The following SLC35E3 variants were observed in gnomAD, a reference collection of about 807,000 sequenced individuals.
SLC35E3 encodes solute carrier family 35 member E3.
Under a neutral mutation model 30.8 loss-of-function variants are expected in SLC35E3, and 28 were observed. The observed-to-expected ratio is 0.91, with a 90% CI of 0.67 to 1.25. The LOEUF (loss-of-function observed/expected upper bound fraction) is 1.25, where lower values mean the gene tolerates loss of function less well. Among genes scored for constraint, SLC35E3 ranks in the 50% most tolerant of loss-of-function variants. SLC35E3 has a pLI of 0.00. For synonymous variants in SLC35E3, 146 were observed against 149.2 expected, an observed-to-expected ratio of 0.98 and a Z score of 0.16; for missense variants, 365 against 375.4, an observed-to-expected ratio of 0.97 and a Z score of 0.23.
chr12:68,749,478 C>T (rs1459636969), intron 2 of SLC35E3, among the ~76,000 whole-genome samples: 1 of 152,170 alleles, frequency 6.6e-6, no homozygotes, highest in African/African-American at 2.4e-5. Context: ...ATTCGTTCAG[C>T]AGACATCTTT....
At chr12:68,754,273 G>T (rs1047588379) in intron 3 of SLC35E3, among the ~76,000 whole-genome samples, 4 of 151,670 alleles carry the variant, frequency 2.6e-5, no homozygotes, top group Non-Finnish European at 4.4e-5. Context: ...TGTTGTTGTT[G>T]TTGTTTTTGT....
rs1430430504 is a variant in SLC35E3, at chr12:68,780,048, T to G, written c.*15158T>G. On this transcript the variant is annotated 3_prime_UTR_variant, in exon 5 of 5. Coordinates refer to ENST00000398004, the MANE Select transcript of SLC35E3 (RefSeq NM_018656.5). ...TTTAAGCCACTTCTCTGGCCCCAGT[T>G]TCTAACATTATTTCTAAAATGCAGG... is the stretch of plus-strand genomic sequence containing the variant. 1 of 152,220 alleles carries G rather than the reference T, an allele frequency of 6.6e-6. No homozygotes were observed. Among genetic ancestry groups the G allele is most frequent in the Non-Finnish European group, 1.5e-5 (1 of 68,048 alleles). The allele number at this position is 152,220 out of a possible 1,614,324, so 9.4% of individuals were successfully genotyped here.
chr12:68,751,971 A>G (rs924926832), intron 2 of SLC35E3, 61 bp from the exon 3 acceptor site: 2 of 1,475,016 alleles, frequency 1.4e-6, no homozygotes, highest in Non-Finnish European at 1.8e-6. Context: ...TAGTTGTCGC[A>G]TCTTTGATTA....
chr12:68,746,403 G>A lies in SLC35E3; in HGVS notation c.26G>A (p.Arg9Gln). 6.2e-7 allele frequency: 1 copy of A among 1,604,396 alleles called. No individual in the cohort carries two copies. Among genetic ancestry groups the A allele is most frequent in the Non-Finnish European group, 8.5e-7 (1 of 1,174,524 alleles). MALLVDRV[R>Q]GHWRIAAGLL... is the part of the protein sequence containing the mutation. ...ATGGCATTGCTGGTGGACCGAGTGC[G>A]GGGCCACTGGCGAATCGCCGCCGGG... The change falls in exon 1 of 5, where the codon CGG becomes CAG. Residue 9 changes from arginine (R) to glutamine (Q), a missense_variant. Physicochemically the swap from Arg to Gln is conservative, Grantham distance 43. Transcript: ENST00000398004.
At chr12:68,759,932 TTA>T in intron 4 of SLC35E3, 1 of 152,388 alleles carries the variant, frequency 6.6e-6, no homozygotes. Context: ...AGAGGAATGG[TTA>T]ACAAATAACA....
chr12:68,761,610 G>T (rs1879234978), intron 4 of SLC35E3, among the ~76,000 whole-genome samples: 3 of 152,098 alleles, frequency 2.0e-5, no homozygotes, highest in Admixed American at 6.6e-5. Context: ...AACCAAAAAT[G>T]CCTCCAAAGA....
rs1879874162 is a variant in SLC35E3 at position 68,781,112 on chromosome 12, G to C, written c.*16222G>C. ...GAAAAATTCAGGATGAGTTTATTGA[G>C]AGCATTATTTTTGAAAGTATAAGAT... On this transcript the variant is annotated 3_prime_UTR_variant, in exon 5 of 5. Coordinates refer to ENST00000398004, the MANE Select transcript of SLC35E3 (RefSeq NM_018656.5). 7.8e-6 allele frequency: 1 copy of C among 128,012 alleles called. No individual in the cohort carries two copies. Among genetic ancestry groups the C allele is most frequent in the Non-Finnish European group, 1.5e-5 (1 of 67,794 alleles). The allele number at this position is 128,012 out of a possible 1,614,324, so 7.9% of individuals were successfully genotyped here.
rs1194909427 is a variant in SLC35E3 at position 68,772,703 on chromosome 12, CTA to C, written c.*7815_*7816del. 1 of 152,158 alleles carries C rather than the reference CTA, an allele frequency of 6.6e-6. No homozygotes were observed. Among genetic ancestry groups the C allele is most frequent in the Non-Finnish European group, 1.5e-5 (1 of 68,032 alleles). 9.4% of individuals were successfully genotyped at this position (152,158 alleles called of 1,614,324 possible). On this transcript the variant is annotated 3_prime_UTR_variant, in exon 5 of 5. Transcript: ENST00000398004. ...TGGATACTTATTTAACCAGCCAAGACTATGCATTTCTAAATATTTATTTTTTT... is the reference window on the plus strand; with the variant it reads ...TGGATACTTATTTAACCAGCCAAGACTGCATTTCTAAATATTTATTTTTTT...
At position 68,746,425 on chromosome 12, in the gene SLC35E3, C is replaced by G. The variant is rs747798560; in HGVS notation, c.48C>G (p.Ala16=). 1 of 1,611,632 alleles carries G rather than the reference C, an allele frequency of 6.2e-7. No individual in the cohort carries two copies. Among genetic ancestry groups the G allele is most frequent in the Non-Finnish European group, 8.5e-7 (1 of 1,178,568 alleles). Residue 16 remains alanine, a synonymous_variant, in exon 1 of 5, where the codon GCC becomes GCG. Transcript: ENST00000398004. ...DRVRGHWRIA[A]GLLFNLLVSI... The stretch of plus-strand genomic sequence containing the variant: ...TGCGGGGCCACTGGCGAATCGCCGC[C>G]GGGCTCCTGTTCAACCTGCTGGTGT...
rs767264837 is a variant in SLC35E3 at position 68,746,453 on chromosome 12, A to G, written c.76A>G (p.Ile26Val). Residue 26 changes from isoleucine to valine, a missense_variant, in exon 1 of 5, where the codon ATC (isoleucine) becomes GTC (valine). Coordinates refer to ENST00000398004, the MANE Select transcript of SLC35E3 (RefSeq NM_018656.5). ...GCTCCTGTTCAACCTGCTGGTGTCC[A>G]TCTGCATTGTGTTCCTCAACAAATG... ...AGLLFNLLVSICIVFLNKWIY... is the reference protein window; with the variant it reads ...AGLLFNLLVSVCIVFLNKWIY... 2.5e-6 allele frequency: 4 copies of G among 1,614,070 alleles called. No individual in the cohort carries two copies. Among genetic ancestry groups the G allele is most frequent in the East Asian group, 2.2e-5 (1 of 44,878 alleles).
rs757854325 is a variant in SLC35E3 at position 68,746,399 on chromosome 12, G to A, written c.22G>A (p.Val8Met). 6.2e-7 allele frequency: 1 copy of A among 1,602,798 alleles called. No homozygotes were observed. The change falls in exon 1 of 5, where the codon GTG becomes ATG. Residue 8 changes from valine (V) to methionine (M), a missense_variant. Transcript: ENST00000398004. ...GATCATGGCATTGCTGGTGGACCGA[G>A]TGCGGGGCCACTGGCGAATCGCCGC... MALLVDR[V>M]RGHWRIAAGL...
chr12:68,757,439 TA>T (rs976196456), intron 3 of SLC35E3, among the ~76,000 whole-genome samples: 2 of 152,240 alleles, frequency 1.3e-5, no homozygotes, highest in African/African-American at 4.8e-5. Context: ...AATGATTCTA[TA>T]ACTTTTTGGA....
chr12:68,772,684 C>G lies in SLC35E3; in HGVS notation c.*7794C>G, dbSNP rs1438030404. On this transcript the variant is annotated 3_prime_UTR_variant, in exon 5 of 5. Coordinates refer to ENST00000398004, the MANE Select transcript of SLC35E3 (RefSeq NM_018656.5). ...TATGCCACAAGAACAAGCATGGATACTTATTTAACCAGCCAAGACTATGCA... is the reference window on the plus strand; with the variant it reads ...TATGCCACAAGAACAAGCATGGATAGTTATTTAACCAGCCAAGACTATGCA... 6.6e-6 allele frequency: 1 copy of G among 152,126 alleles called. No individual in the cohort carries two copies. The highest frequency in any genetic ancestry group is 1.5e-5 in the Non-Finnish European group (1 of 68,026). 9.4% of individuals were successfully genotyped at this position (152,126 alleles called of 1,614,324 possible). A position where few individuals can be genotyped will look rare whatever the true frequency, so the allele number is the denominator to read the frequency against.
chr12:68,749,972 A>G (rs1322533051), intron 2 of SLC35E3, among the ~76,000 whole-genome samples: 1 of 152,128 alleles, frequency 6.6e-6, no homozygotes, highest in Non-Finnish European at 1.5e-5. Flanking sequence ...ACTGATGGCA[A>G]TGAAGGGTGG....
chr12:68,764,516 C>A (rs917181345), intron 4 of SLC35E3, among the ~76,000 whole-genome samples, 188 bp from the exon 5 acceptor site: 2 of 152,076 alleles, frequency 1.3e-5, no homozygotes, highest in Admixed American at 1.3e-4. Flanking sequence ...CTCAAATTCC[C>A]AGCCTCAAGT....
chr12:68,766,672 C>A lies in SLC35E3; in HGVS notation c.*1782C>A. On this transcript the variant is annotated 3_prime_UTR_variant, in exon 5 of 5. Coordinates refer to ENST00000398004, the MANE Select transcript of SLC35E3 (RefSeq NM_018656.5). Reference sequence around the variant, plus strand: ...CAATCATGGCTCACTGCAGCCTCAGCCTCCTGGGCTCAAGCAATCCTCCTG... The same window carrying A: ...CAATCATGGCTCACTGCAGCCTCAGACTCCTGGGCTCAAGCAATCCTCCTG... 2.5e-6 allele frequency: 1 copy of A among 402,250 alleles called. No individual in the cohort carries two copies. Among genetic ancestry groups the A allele is most frequent in the Non-Finnish European group, 5.1e-6 (1 of 197,598 alleles). The allele number at this position is 402,250 out of a possible 1,614,324, so 24.9% of individuals were successfully genotyped here. A position where few individuals can be genotyped will look rare whatever the true frequency, so the allele number is the denominator to read the frequency against.
At position 68,764,978 on chromosome 12, in the gene SLC35E3, C is replaced by T. The variant is rs554018593; in HGVS notation, c.*88C>T. 18 of 1,300,086 alleles carry T rather than the reference C, an allele frequency of 1.4e-5. No individual in the cohort carries two copies. Among genetic ancestry groups the T allele is most frequent in the Non-Finnish European group, 1.7e-5 (16 of 946,878 alleles). 80.5% of individuals were successfully genotyped at this position (1,300,086 alleles called of 1,614,324 possible). A position where few individuals can be genotyped will look rare whatever the true frequency, so the allele number is the denominator to read the frequency against. On this transcript the variant is annotated 3_prime_UTR_variant, in exon 5 of 5. Coordinates refer to ENST00000398004, the MANE Select transcript of SLC35E3 (RefSeq NM_018656.5). ...AGTTATTAAAAAAAAAAAATTGGGC[C>T]AGGCACGGTGGCTCACGCCTGTAAT...
rs1879571594 is a variant in SLC35E3, at chr12:68,770,399, T to C, written c.*5509T>C. The stretch of plus-strand genomic sequence containing the variant: ...AACCAGAGAGATGCCAGGAGACCAG[T>C]TAGTTGGGAGATGACTGTAGTTAGA... On this transcript the variant is annotated 3_prime_UTR_variant, in exon 5 of 5. Coordinates refer to ENST00000398004, the MANE Select transcript of SLC35E3 (RefSeq NM_018656.5). 1 of 152,350 alleles carries C rather than the reference T, an allele frequency of 6.6e-6. No individual in the cohort carries two copies. The highest frequency in any genetic ancestry group is 2.1e-4 in the South Asian group (1 of 4,824). 9.4% of individuals were successfully genotyped at this position (152,350 alleles called of 1,614,324 possible).
chr12:68,777,815 G>C lies in SLC35E3; in HGVS notation c.*12925G>C, dbSNP rs1378759411. On this transcript the variant is annotated 3_prime_UTR_variant, in exon 5 of 5. Transcript: ENST00000398004. ...AGGTAGGGTCTGGGCCCCAGTACCA[G>C]TCCATAAACAGTTTGCTGCCGGCTG... 1 of 152,370 alleles carries C rather than the reference G, an allele frequency of 6.6e-6. No individual in the cohort carries two copies. The highest frequency in any genetic ancestry group is 1.5e-5 in the Non-Finnish European group (1 of 68,174). 9.4% of individuals were successfully genotyped at this position (152,370 alleles called of 1,614,324 possible).
Sources: gnomAD v4.1 joint callset for allele counts (sites outside exome capture counted in the v4.1 genomes callset) on GRCh38, gnomAD v4.1.1 for gene constraint, MANE v1.5 for transcripts, NCBI Gene and HGNC (gene_info 2026-07-23, HGNC 2026-07-21) for gene names.